Variants in LDB2 observed in about 807,000 individuals in gnomAD.
LDB2 encodes LIM domain-binding protein 2.
LDB2 carries 12 observed loss-of-function variants against 44.3 expected under a neutral mutation model. The observed-to-expected ratio is 0.27, with a 90% CI of 0.17 to 0.44. The LOEUF (loss-of-function observed/expected upper bound fraction) is 0.44. Ranked by LOEUF, LDB2 falls within the 20% of genes least tolerant of loss-of-function variation. The pLI, the probability that LDB2 is intolerant of heterozygous loss-of-function variation, is 1.00. For missense variants in LDB2, 344 were observed against 473.5 expected, an observed-to-expected ratio of 0.73 and a Z score of 2.54; for synonymous variants, 164 against 174.8, an observed-to-expected ratio of 0.94 and a Z score of 0.49.
intron 5 of LDB2, among the ~76,000 whole-genome samples, chr4:16,559,599 T>C (rs1175001413): frequency 1.3e-5 from 2 of 152,098 alleles, no homozygotes; most frequent in African/African-American, 4.8e-5. Context: ...AGACTTCGAC[T>C]CCCACACAAT....
chr4:16,643,742 G>A (rs1043774952), intron 2 of LDB2, among the ~76,000 whole-genome samples: 5 of 149,082 alleles, frequency 3.4e-5, no homozygotes, highest in African/African-American at 1.0e-4. Context: ...TTGGTACAGC[G>A]TAATTAACGT....
intron 2 of LDB2, among the ~76,000 whole-genome samples, chr4:16,663,913 G>C (rs1347525004): frequency 6.6e-6 from 1 of 152,010 alleles, no homozygotes; most frequent in Non-Finnish European, 1.5e-5. Context: ...CTATCACCCT[G>C]GAAAAGACAG....
intron 2 of LDB2, among the ~76,000 whole-genome samples, chr4:16,713,339 A>T (rs150827472): frequency 9.3e-4 from 140 of 150,564 alleles, no homozygotes; most frequent in African/African-American, 3.3e-3. Context: ...TGAATTTTAC[A>T]ATATGCATAA....
At chr4:16,781,900 ACAAGCCAAGGGGTG>A (rs1338337665) in intron 1 of LDB2, among the ~76,000 whole-genome samples, 2 of 152,208 alleles carry the variant, frequency 1.3e-5, no homozygotes, top group Non-Finnish European at 2.9e-5. Context: ...TGTCACATCT[ACAAGCCAAGGGGTG>A]CCACCAAAAT....
chr4:16,720,281 A>T (rs1210355337), intron 2 of LDB2, among the ~76,000 whole-genome samples: 1 of 152,074 alleles, frequency 6.6e-6, no homozygotes, highest in Non-Finnish European at 1.5e-5. Flanking sequence ...GGCGGGTAGT[A>T]TTAAATCAGT....
chr4:16,558,950 C>G (rs1740914407), intron 5 of LDB2, among the ~76,000 whole-genome samples: 1 of 152,134 alleles, frequency 6.6e-6, no homozygotes, highest in African/African-American at 2.4e-5. Flanking sequence ...ATTTCATATC[C>G]AGCCAAACTA....
chr4:16,828,404 C>T (rs1476519338), intron 1 of LDB2, among the ~76,000 whole-genome samples: 1 of 152,168 alleles, frequency 6.6e-6, no homozygotes, highest in Admixed American at 6.5e-5. Flanking sequence ...TTTCCTTCCA[C>T]CTCCTCCAGT....
chr4:16,738,599 C>T (rs1213582500), intron 2 of LDB2, among the ~76,000 whole-genome samples: 1 of 152,166 alleles, frequency 6.6e-6, no homozygotes, highest in African/African-American at 2.4e-5. Flanking sequence ...TTATGTATGT[C>T]AAATGTGAAG....
chr4:16,661,048 C>T (rs1481099465), intron 2 of LDB2, among the ~76,000 whole-genome samples: 4 of 152,156 alleles, frequency 2.6e-5, no homozygotes, highest in African/African-American at 9.6e-5. Context: ...CCAAATTATA[C>T]CCTGTTCTTT....
At chr4:16,791,526 G>A (rs979932243) in intron 1 of LDB2, among the ~76,000 whole-genome samples, 4 of 122,710 alleles carry the variant, frequency 3.3e-5, no homozygotes, top group Non-Finnish European at 6.4e-5. Context: ...CAGCACTCCA[G>A]CCCGGGCAAC....
chr4:16,795,228 G>A (rs1255114746), intron 1 of LDB2, among the ~76,000 whole-genome samples: 1 of 152,186 alleles, frequency 6.6e-6, no homozygotes, highest in Non-Finnish European at 1.5e-5. Context: ...GAGAGAGCCT[G>A]GGGAAGAGAA....
chr4:16,613,278 A>T (rs2152468052), intron 2 of LDB2, among the ~76,000 whole-genome samples: 1 of 152,354 alleles, frequency 6.6e-6, no homozygotes, highest in South Asian at 2.1e-4. Context: ...AAAAGCTGGA[A>T]GCATTCCCTT....
intron 1 of LDB2, among the ~76,000 whole-genome samples, chr4:16,782,496 G>T (rs1579617489): frequency 6.6e-6 from 1 of 151,976 alleles, no homozygotes; most frequent in Admixed American, 6.6e-5. Context: ...TATTACAGGT[G>T]TGTGCCACCA....
At chr4:16,815,353 A>C (rs1274873730) in intron 1 of LDB2, among the ~76,000 whole-genome samples, 1 of 152,208 alleles carries the variant, frequency 6.6e-6, no homozygotes, top group African/African-American at 2.4e-5. Context: ...GAGGACATAG[A>C]AGAGCCTCTT....
intron 1 of LDB2, among the ~76,000 whole-genome samples, chr4:16,830,902 A>C (rs1783943346): frequency 6.6e-6 from 1 of 152,194 alleles, no homozygotes; most frequent in African/African-American, 2.4e-5. Context: ...CAGGGTTGAG[A>C]ATAAGGGCTC....
At chr4:16,616,276 T>C (rs1265971123) in intron 2 of LDB2, among the ~76,000 whole-genome samples, 1 of 152,214 alleles carries the variant, frequency 6.6e-6, no homozygotes, top group Non-Finnish European at 1.5e-5. Flanking sequence ...CAAGATAATG[T>C]GTTGACTACT....
At chr4:16,551,821 A>G (rs920041087) in intron 5 of LDB2, among the ~76,000 whole-genome samples, 6 of 152,032 alleles carry the variant, frequency 3.9e-5, no homozygotes, top group African/African-American at 1.4e-4. Context: ...CCGACCAACT[A>G]TTTATTTTAT....
At chr4:16,652,953 T>C (rs930812007) in intron 2 of LDB2, among the ~76,000 whole-genome samples, 2 of 152,184 alleles carry the variant, frequency 1.3e-5, no homozygotes, top group Non-Finnish European at 2.9e-5. Flanking sequence ...TATCCAAACA[T>C]ACAATTTACA....
At chr4:16,568,299 G>A (rs1553275) in intron 5 of LDB2, among the ~76,000 whole-genome samples, 119,275 of 152,060 alleles carry the variant, frequency 0.78, 47,445 homozygotes, top group Non-Finnish European at 0.85. Context: ...AATCAATTTT[G>A]TTCCTTAGTT....
Sources: gnomAD v4.1 joint callset for allele counts (sites outside exome capture counted in the v4.1 genomes callset) on GRCh38, gnomAD v4.1.1 for gene constraint, MANE v1.5 for transcripts, NCBI Gene and HGNC (gene_info 2026-07-23, HGNC 2026-07-21) for gene names.